Variants in RIMKLA observed in about 807,000 individuals in gnomAD.
The protein encoded by RIMKLA is ribosomal modification protein rimK like family member A.
Under a neutral mutation model 32.7 loss-of-function variants are expected in RIMKLA, and 14 were observed. The observed-to-expected ratio is 0.43, with a 90% CI of 0.28 to 0.67. The LOEUF is 0.67. Ranked by LOEUF, RIMKLA falls within the 30% of genes least tolerant of loss-of-function variation. The probability of loss-of-function intolerance (pLI) is 0.18; values close to 1 mark genes in which losing one functional copy is unlikely to be tolerated. For missense variants in RIMKLA, 410 were observed against 519.0 expected (o/e 0.79, Z 2.04); for synonymous variants, 176 against 204.1 (o/e 0.86, Z 1.18).
intron 1 of RIMKLA, among the ~76,000 whole-genome samples, chr1:42,387,259 CCAAAAAA>C (rs1391945802): frequency 1.3e-5 from 2 of 149,404 alleles, no homozygotes; most frequent in African/African-American, 2.5e-5. Context: ...TTTATTTATT[CCAAAAAA>C]TAAAAAATAA....
At chr1:42,412,341 CTT>C in intron 4 of RIMKLA, 2 of 179,132 alleles carry the variant, frequency 1.1e-5, no homozygotes, top group Non-Finnish European at 1.2e-5. Flanking sequence ...CTCTCTCTCT[CTT>C]TTTTTTTGGT....
intron 1 of RIMKLA, among the ~76,000 whole-genome samples, chr1:42,393,451 C>T (rs570640915): frequency 6.6e-6 from 1 of 152,204 alleles, no homozygotes; most frequent in Admixed American, 6.5e-5. Context: ...TCATACCAAC[C>T]AGTTCAATAA....
chr1:42,385,854 CTT>C (rs750176420), intron 1 of RIMKLA, among the ~76,000 whole-genome samples: 2 of 46,656 alleles, frequency 4.3e-5, no homozygotes, highest in African/African-American at 1.4e-4. Context: ...CTCTTTCTTT[CTT>C]TCTTTCTTTC....
chr1:42,386,282 T>C (rs1642946417), intron 1 of RIMKLA, among the ~76,000 whole-genome samples: 1 of 151,700 alleles, frequency 6.6e-6, no homozygotes, highest in South Asian at 2.1e-4. Context: ...ACCAAATTTG[T>C]TGGGCCTGCT....
Position 42,414,536 on chromosome 1 carries a change from T to G in RIMKLA, c.738T>G (p.Ile246Met), listed in dbSNP as rs763336933. 9 of 1,614,184 alleles carry G rather than the reference T, an allele frequency of 5.6e-6. No homozygotes were observed. Among genetic ancestry groups the G allele is most frequent in the Non-Finnish European group, 7.6e-6 (9 of 1,180,016 alleles). ...PLTEQGKQLAIQVSNILGMDF... is the reference protein window; with the variant it reads ...PLTEQGKQLAMQVSNILGMDF... ...CAGAACAAGGCAAGCAGTTGGCTAT[T>G]CAGGTGTCCAACATCCTAGGCATGG... The change falls in exon 5 of 5, where the codon ATT becomes ATG. Residue 246 changes from isoleucine (I) to methionine (M), a missense_variant. Ile to Met is a conservative substitution (Grantham distance 10). Transcript: ENST00000431473.
At chr1:42,389,684 C>T (rs888728899) in intron 1 of RIMKLA, among the ~76,000 whole-genome samples, 12 of 151,840 alleles carry the variant, frequency 7.9e-5, no homozygotes, top group African/African-American at 2.9e-4. Context: ...CGTGGTGGTG[C>T]GCGCCCATAA....
At chr1:42,401,967 CTT>C (rs1277944017) in intron 2 of RIMKLA, among the ~76,000 whole-genome samples, 1 of 152,138 alleles carries the variant, frequency 6.6e-6, no homozygotes, top group African/African-American at 2.4e-5. Context: ...GAAGACCTCT[CTT>C]ACTGCATCGA....
At chr1:42,409,584 G>A (rs1643179910) in intron 3 of RIMKLA, among the ~76,000 whole-genome samples, 1 of 152,222 alleles carries the variant, frequency 6.6e-6, no homozygotes, top group Non-Finnish European at 1.5e-5. Context: ...CCAGCCCAGT[G>A]TTAGGTCTGA....
intron 2 of RIMKLA, among the ~76,000 whole-genome samples, chr1:42,401,396 TG>T (rs1643095933): frequency 7.0e-6 from 1 of 143,488 alleles, no homozygotes; most frequent in African/African-American, 2.6e-5. Flanking sequence ...AAAGCTGCTT[TG>T]AACTATGATC....
chr1:42,399,488 G>C lies in RIMKLA; in HGVS notation c.248G>C (p.Ser83Thr). The change falls in exon 2 of 5, where the codon AGT (serine) becomes ACT (threonine). Residue 83 changes from serine to threonine, a missense_variant. By Grantham distance (58) the Ser-to-Thr change is moderately conservative. Transcript: ENST00000431473. The part of the protein sequence containing the change: ...RVPTPSVQSD[S>T]DITVLRHLEK... ...CCCACACCCTCAGTGCAGTCAGACA[G>C]TGACATCACTGTCCTGCGACACCTG... is the stretch of plus-strand genomic sequence containing the variant. The C allele has an allele frequency of 6.2e-7, 1 of 1,613,528 alleles. No individual in the cohort carries two copies. Among genetic ancestry groups the C allele is most frequent in the Non-Finnish European group, 8.5e-7 (1 of 1,179,792 alleles).
At chr1:42,399,301 T>A in intron 1 of RIMKLA, 103 bp from the exon 2 acceptor site, 1 of 856,256 alleles carries the variant, frequency 1.2e-6, no homozygotes, top group Middle Eastern at 2.8e-4. Context: ...ATTTTGAGGC[T>A]CTGTTCCTAC....
chr1:42,410,813 A>G (rs941924486), intron 4 of RIMKLA, among the ~76,000 whole-genome samples: 4 of 141,184 alleles, frequency 2.8e-5, no homozygotes, highest in African/African-American at 1.0e-4. Flanking sequence ...GAATGAGTTT[A>G]TATGTTGGTG....
intron 2 of RIMKLA, among the ~76,000 whole-genome samples, chr1:42,401,507 AAGAG>A (rs892432015): frequency 1.3e-5 from 2 of 152,116 alleles, no homozygotes; most frequent in African/African-American, 4.8e-5. Context: ...GAAGAGAAAA[AAGAG>A]AGATCAGAGA....
rs1161350924 is a variant in RIMKLA at position 42,417,289 on chromosome 1, A to C, written c.*2315A>C. 6.6e-6 allele frequency: 1 copy of C among 152,292 alleles called. No homozygotes were observed. The highest frequency in any genetic ancestry group is 2.4e-5 in the African/African-American group (1 of 41,466). 9.4% of individuals were successfully genotyped at this position (152,292 alleles called of 1,614,324 possible). A position where few individuals can be genotyped will look rare whatever the true frequency, so the allele number is the denominator to read the frequency against. On this transcript the variant is annotated 3_prime_UTR_variant, in exon 5 of 5. Transcript: ENST00000431473. ...GTCATTGGCTTCATTGCCTGGCACTAGCCCTGTCTAGAAGTGGAGAAAGCT... is the reference window on the plus strand; with the variant it reads ...GTCATTGGCTTCATTGCCTGGCACTCGCCCTGTCTAGAAGTGGAGAAAGCT...
chr1:42,419,473 C>G lies in RIMKLA; in HGVS notation c.*4499C>G, dbSNP rs1001781314. ...CATAAGTAGGGAATCTTACTTAGTT[C>G]CAGAGGCCATGTTCACTTGCTAGTC... On this transcript the variant is annotated 3_prime_UTR_variant, in exon 5 of 5. Transcript: ENST00000431473. 3.9e-5 allele frequency: 6 copies of G among 152,202 alleles called. No individual in the cohort carries two copies. Among genetic ancestry groups the G allele is most frequent in the Admixed American group, 2.0e-4 (3 of 15,286 alleles). 9.4% of individuals were successfully genotyped at this position (152,202 alleles called of 1,614,324 possible).
At chr1:42,413,784 G>A (rs905839585) in intron 4 of RIMKLA, among the ~76,000 whole-genome samples, 7 of 150,600 alleles carry the variant, frequency 4.6e-5, no homozygotes, top group South Asian at 4.3e-4. Flanking sequence ...ACAGGCTGGC[G>A]TGGAGTGGCA....
chr1:42,408,401 C>T (rs1643167451), intron 3 of RIMKLA, among the ~76,000 whole-genome samples: 1 of 152,122 alleles, frequency 6.6e-6, no homozygotes, highest in Admixed American at 6.6e-5. Flanking sequence ...TTATGTACCA[C>T]TAGGGACTGG....
rs1205230342 is a variant in RIMKLA, at chr1:42,381,168, C to T, written c.163+71C>T. 2.6e-6 allele frequency: 3 copies of T among 1,136,814 alleles called. No homozygotes were observed. In the African/African-American group the frequency reaches 4.8e-5, roughly 18 times the overall value. 70.4% of individuals were successfully genotyped at this position (1,136,814 alleles called of 1,614,324 possible). A position where few individuals can be genotyped will look rare whatever the true frequency, so the allele number is the denominator to read the frequency against. On this transcript the variant is annotated intron_variant, in intron 1 of 4. Transcript: ENST00000431473. ...CACGAGAGCCGGTCGGGTGGGCGCGCTCGCCGGGCCTCCCGCAGCAGAGTC... is the reference window on the plus strand; with the variant it reads ...CACGAGAGCCGGTCGGGTGGGCGCGTTCGCCGGGCCTCCCGCAGCAGAGTC...
Position 42,414,803 on chromosome 1 carries a change from T to G in RIMKLA, c.1005T>G (p.Val335=). 1 of 1,614,196 alleles carries G rather than the reference T, an allele frequency of 6.2e-7. No individual in the cohort carries two copies. Among genetic ancestry groups the G allele is most frequent in the Non-Finnish European group, 8.5e-7 (1 of 1,180,028 alleles). ...ATGGCTGTGCTTCAGCTCAGGGAGT[T>G]GCAGAGAGCGTCTATACCATCAACA... ...EPDGCASAQG[V]AESVYTINSG... Residue 335 remains valine, a synonymous_variant, in exon 5 of 5, where the codon GTT becomes GTG. Transcript: ENST00000431473.
Sources: allele counts gnomAD v4.1 joint callset (sites outside exome capture counted in the v4.1 genomes callset), GRCh38; gene constraint gnomAD v4.1.1; transcripts MANE v1.5; gene names NCBI Gene and HGNC (gene_info 2026-07-23, HGNC 2026-07-21).